Variants in MSI2 observed in about 807,000 individuals in gnomAD.
MSI2 encodes the protein musashi RNA binding protein 2.
In MSI2, 17 loss-of-function variants were observed where a neutral mutation model predicts 45.6. The observed-to-expected ratio is 0.37, with a 90% CI of 0.26 to 0.56. The LOEUF is 0.56. Among genes scored for constraint, MSI2 ranks in the 20% least tolerant of loss-of-function variants. MSI2 has a pLI of 0.77. For missense variants in MSI2, 293 were observed against 444.2 expected (o/e 0.66, Z 3.06); for synonymous variants, 156 against 158.2 (o/e 0.99, Z 0.11).
At chr17:57,310,427 A>G (rs1178804834) in intron 5 of MSI2, among the ~76,000 whole-genome samples, 1 of 151,462 alleles carries the variant, frequency 6.6e-6, no homozygotes, top group African/African-American at 2.4e-5. Flanking sequence ...TCTGCCTCTC[A>G]GGTTCAAGTG....
chr17:57,585,293 A>G (rs1428491490), intron 7 of MSI2, among the ~76,000 whole-genome samples: 1 of 152,218 alleles, frequency 6.6e-6, no homozygotes, highest in Non-Finnish European at 1.5e-5. Flanking sequence ...TACAGAGACA[A>G]AAGTAAGCAT....
At chr17:57,641,019 G>A (rs1910212285) in intron 10 of MSI2, among the ~76,000 whole-genome samples, 1 of 152,166 alleles carries the variant, frequency 6.6e-6, no homozygotes. Context: ...GACATTTTTA[G>A]GTATTTCTAT....
intron 6 of MSI2, among the ~76,000 whole-genome samples, chr17:57,456,359 C>T (rs1361528227): frequency 6.6e-6 from 1 of 152,200 alleles, no homozygotes; most frequent in Non-Finnish European, 1.5e-5. Context: ...CCTATAATCC[C>T]AGCACTTTGG....
At chr17:57,371,878 T>C (rs2083426441) in intron 5 of MSI2, among the ~76,000 whole-genome samples, 1 of 151,378 alleles carries the variant, frequency 6.6e-6, no homozygotes, top group Non-Finnish European at 1.5e-5. Context: ...TAAATATATA[T>C]GAAAAATATA....
At chr17:57,306,809 G>C (rs947500004) in intron 5 of MSI2, among the ~76,000 whole-genome samples, 1 of 152,154 alleles carries the variant, frequency 6.6e-6, no homozygotes, top group Non-Finnish European at 1.5e-5. Context: ...GCAATGGCAT[G>C]AATCTTGGCT....
Position 57,392,691 on chromosome 17 carries a change from G to A in MSI2, c.313-8688G>A, listed in dbSNP as rs556221261. Among the ~76,000 whole-genome samples the A allele has an allele frequency of 6.6e-5, 10 of 152,234 alleles. No homozygotes were observed. The East Asian group carries it at 9.6e-4, about 15-fold the overall frequency. On this transcript the variant is annotated intron_variant, in intron 5 of 13. Transcript: ENST00000284073. Reference sequence around the variant, plus strand: ...TAAATTAATTTTAGCAATCGGCAACGTAAAATATTGTTATACCTTTTTCCA... The same window carrying A: ...TAAATTAATTTTAGCAATCGGCAACATAAAATATTGTTATACCTTTTTCCA...
chr17:57,472,536 G>A (rs913725990), intron 6 of MSI2, among the ~76,000 whole-genome samples: 3 of 152,198 alleles, frequency 2.0e-5, no homozygotes, highest in Non-Finnish European at 4.4e-5. Context: ...AGAGACTGGG[G>A]ACTTCCTTTG....
intron 6 of MSI2, among the ~76,000 whole-genome samples, chr17:57,502,709 A>G (rs2086143067): frequency 6.8e-6 from 1 of 146,382 alleles, no homozygotes; most frequent in East Asian, 2.1e-4. Flanking sequence ...CTGGGTCACT[A>G]CTGTGATCAG....
intron 7 of MSI2, among the ~76,000 whole-genome samples, chr17:57,584,637 C>T (rs1288317047): frequency 1.3e-5 from 2 of 152,154 alleles, no homozygotes; most frequent in Admixed American, 6.5e-5. Context: ...ACCTTATCTG[C>T]GGCTGGTAAC....
chr17:57,375,166 A>G (rs1455234914), intron 5 of MSI2, among the ~76,000 whole-genome samples: 4 of 152,164 alleles, frequency 2.6e-5, no homozygotes, highest in Admixed American at 2.6e-4. Context: ...AATCAGACTT[A>G]TGGAAGAAGA....
chr17:57,356,981 A>G (rs1370498131), intron 5 of MSI2, among the ~76,000 whole-genome samples: 1 of 152,028 alleles, frequency 6.6e-6, no homozygotes, highest in Non-Finnish European at 1.5e-5. Context: ...GGACCGGTTG[A>G]GACGCTCCAA....
At chr17:57,256,971 CCCCCA>C in intron 1 of MSI2, 122 bp from the exon 2 acceptor site, 2 of 1,477,856 alleles carry the variant, frequency 1.4e-6, no homozygotes, top group Non-Finnish European at 1.8e-6. Flanking sequence ...GTCACCTTCT[CCCCCA>C]CCCCACCTCC....
At chr17:57,330,282 T>C (rs897978147) in intron 5 of MSI2, among the ~76,000 whole-genome samples, 4 of 151,788 alleles carry the variant, frequency 2.6e-5, no homozygotes, top group African/African-American at 9.7e-5. Context: ...AACTTTTTCT[T>C]TTTTTTCTTT....
Position 57,421,970 on chromosome 17 carries a change from A to T in MSI2, c.405+20499A>T, listed in dbSNP as rs532614864. 1.2e-4 allele frequency among the ~76,000 whole-genome samples: 18 copies of T among 152,346 alleles called. No homozygotes were observed. The South Asian group carries it at 3.5e-3, about 30-fold the overall frequency. ...GCAGTGTTTGACATTTTGGGCTTTA[A>T]TTACACAGTGGTTTAATATTTAATA... On this transcript the variant is annotated intron_variant, in intron 6 of 13. Coordinates refer to ENST00000284073, the MANE Select transcript of MSI2 (RefSeq NM_138962.4).
intron 5 of MSI2, among the ~76,000 whole-genome samples, chr17:57,375,172 G>C (rs1767963508): frequency 6.6e-6 from 1 of 152,168 alleles, no homozygotes; most frequent in South Asian, 2.1e-4. Flanking sequence ...ACTTATGGAA[G>C]AAGAAGGAAG....
rs1913773762 is a variant in MSI2, at chr17:57,683,972, A to AAAAC, written c.*4457_*4460dup. ...AAAAAAGTAAGTAAACTAAAACACA[A>AAAAC]AAACATATAAATAAAATCCATCCCT... On this transcript the variant is annotated 3_prime_UTR_variant, in exon 14 of 14. Transcript: ENST00000284073. The surrounding 1 kb of genome is among the most constrained non-coding windows in gnomAD (Gnocchi z 5.2). The AAAAC allele has an allele frequency of 4.4e-6, 1 of 229,432 alleles. No individual in the cohort carries two copies. Among genetic ancestry groups the AAAAC allele is most frequent in the African/African-American group, 2.2e-5 (1 of 45,066 alleles). 14.2% of individuals were successfully genotyped at this position (229,432 alleles called of 1,614,324 possible).
At chr17:57,487,324 T>C (rs551163843) in intron 6 of MSI2, among the ~76,000 whole-genome samples, 1 of 152,344 alleles carries the variant, frequency 6.6e-6, no homozygotes, top group East Asian at 1.9e-4. Context: ...CCCTGTGTGC[T>C]CCATCCTAGT....
chr17:57,504,527 T>C (rs2086185405), intron 6 of MSI2, among the ~76,000 whole-genome samples: 1 of 152,168 alleles, frequency 6.6e-6, no homozygotes, highest in South Asian at 2.1e-4. Flanking sequence ...TGGAAGGTTT[T>C]CAGTGATCCT....
At chr17:57,290,921 C>G (rs775252155) in intron 5 of MSI2, among the ~76,000 whole-genome samples, 1 of 152,214 alleles carries the variant, frequency 6.6e-6, no homozygotes, top group Non-Finnish European at 1.5e-5. Flanking sequence ...GTTCTGCCCA[C>G]GCTGGGGGGC....
Sources: allele counts gnomAD v4.1 joint callset (sites outside exome capture counted in the v4.1 genomes callset), GRCh38; gene constraint gnomAD v4.1.1; non-coding constraint Gnocchi (gnomAD v3.1); transcripts MANE v1.5; gene names NCBI Gene and HGNC (gene_info 2026-07-23, HGNC 2026-07-21).